THAP12: variants seen among roughly 807,000 people sequenced by gnomAD.
THAP12 encodes the protein THAP domain containing 12.
A neutral mutation model predicts 63.0 loss-of-function variants in THAP12; 20 were observed. That is an observed-to-expected ratio of 0.32 (90% confidence interval 0.22 to 0.46). THAP12 has a LOEUF of 0.46. THAP12 is among the 20% of genes least tolerant of loss of function. The pLI, the probability that THAP12 is intolerant of heterozygous loss-of-function variation, is 1.00. For missense variants in THAP12, 568 were observed against 908.2 expected (o/e 0.63, Z 4.81); for synonymous variants, 264 against 328.4 (o/e 0.80, Z 2.12).
chr11:76,353,037 A>C (rs1041593482), intron 4 of THAP12, among the ~76,000 whole-genome samples: 11 of 152,182 alleles, frequency 7.2e-5, no homozygotes, highest in Admixed American at 1.3e-4. Flanking sequence ...ATGCTGTTAC[A>C]AGATAGGAAT....
In THAP12 at chr11:76,350,704, G is replaced by C. The variant is rs2134495813; in HGVS notation, c.*160C>G. 1 of 568,358 alleles carries C rather than the reference G, an allele frequency of 1.8e-6. No homozygotes were observed. The highest frequency in any genetic ancestry group is 5.0e-4 in the Middle Eastern group (1 of 2,010). 35.2% of individuals were successfully genotyped at this position (568,358 alleles called of 1,614,324 possible). On this transcript the variant is annotated 3_prime_UTR_variant, in exon 5 of 5. Coordinates refer to ENST00000260045, the MANE Select transcript of THAP12 (RefSeq NM_004705.4). The stretch of plus-strand genomic sequence containing the variant: ...GAACAGGTAGGTCTTCAAAGCTTGA[G>C]AGTTCAAACAGGGGCCATTTAAACA...
intron 1 of THAP12, among the ~76,000 whole-genome samples, chr11:76,375,773 A>G (rs1011173611): frequency 1.3e-5 from 2 of 151,044 alleles, no homozygotes; most frequent in African/African-American, 4.9e-5. Flanking sequence ...TAGAACTAAT[A>G]ACCCTAAAAA....
chr11:76,368,795 G>T (rs935538573), intron 1 of THAP12, among the ~76,000 whole-genome samples: 1 of 152,082 alleles, frequency 6.6e-6, no homozygotes, highest in Non-Finnish European at 1.5e-5. Flanking sequence ...AATATGAAAG[G>T]TAAAACAATA....
Position 76,352,124 on chromosome 11 carries a change from A to G in THAP12, c.1026T>C (p.Val342=). Reference sequence around the variant, plus strand: ...ATTTCTCTAAAAGTCTAGAAGCAACAACTTTCATTTTGGAAGAAAATCCAC... The same window carrying G: ...ATTTCTCTAAAAGTCTAGAAGCAACGACTTTCATTTTGGAAGAAAATCCAC... The part of the protein sequence containing the change: ...VSSGFSSKMK[V]VASRLLEKYP... The change falls in exon 5 of 5, where the codon GTT becomes GTC. Residue 342 remains valine (V), a synonymous_variant. Transcript: ENST00000260045. 2.5e-6 allele frequency: 4 copies of G among 1,611,976 alleles called. No homozygotes were observed. The highest frequency in any genetic ancestry group is 3.4e-6 in the Non-Finnish European group (4 of 1,179,812).
At chr11:76,368,909 T>A (rs897633994) in intron 1 of THAP12, among the ~76,000 whole-genome samples, 3 of 152,230 alleles carry the variant, frequency 2.0e-5, no homozygotes, top group Non-Finnish European at 4.4e-5. Context: ...TAAATTAGGC[T>A]ACTTTAAAGT....
At chr11:76,370,079 G>C (rs1168352599) in intron 1 of THAP12, among the ~76,000 whole-genome samples, 1 of 152,194 alleles carries the variant, frequency 6.6e-6, no homozygotes, top group Non-Finnish European at 1.5e-5. Flanking sequence ...GCACAAAAGA[G>C]GCTACTGAGG....
chr11:76,355,378 G>A (rs1280381157), intron 4 of THAP12, among the ~76,000 whole-genome samples: 2 of 152,230 alleles, frequency 1.3e-5, no homozygotes, highest in African/African-American at 2.4e-5. Context: ...TGAGAGAGGA[G>A]GCGTCACCTC....
intron 2 of THAP12, among the ~76,000 whole-genome samples, chr11:76,364,054 G>A (rs1946615869): frequency 6.6e-6 from 1 of 152,150 alleles, no homozygotes; most frequent in African/African-American, 2.4e-5. Context: ...TCTAACTAAA[G>A]AATGTAAGAA....
chr11:76,366,486 C>G lies in THAP12; in HGVS notation c.90-514G>C, dbSNP rs1055228586. 2.6e-5 allele frequency among the ~76,000 whole-genome samples: 4 copies of G among 152,192 alleles called. No individual in the cohort carries two copies. In the East Asian group the frequency reaches 7.7e-4, roughly 29 times the overall value. On this transcript the variant is annotated intron_variant, in intron 1 of 4. Coordinates refer to ENST00000260045, the MANE Select transcript of THAP12 (RefSeq NM_004705.4). ...CAGGAGGTCAGGAGATCGAGACCAT[C>G]CTGGCTAACCCGGTGAAACCCCGTC...
Position 76,370,829 on chromosome 11 carries a change from A to G in THAP12, c.90-4857T>C, listed in dbSNP as rs12225999. Among the ~76,000 whole-genome samples, 7 of 73,898 alleles carry G rather than the reference A, an allele frequency of 9.5e-5. No homozygotes were observed. In the South Asian group the frequency reaches 3.5e-3, roughly 37 times the overall value. 48.5% of individuals were successfully genotyped at this position (73,898 alleles called of 152,430 possible). A position where few individuals can be genotyped will look rare whatever the true frequency, so the allele number is the denominator to read the frequency against. On this transcript the variant is annotated intron_variant, in intron 1 of 4. Coordinates refer to ENST00000260045, the MANE Select transcript of THAP12 (RefSeq NM_004705.4). ...GAGCGAGACTCCGTCTCAAAAAAAA[A>G]GAAAAAAAAAAAAAATATATATATA...
rs1207724338 is a variant in THAP12, at chr11:76,352,323, A to C, written c.827T>G (p.Leu276Arg). ...ATCAACAAACCTCACCAACACAGGTAGGTGCTCTTCCCCTGCTATGTCCAC... is the reference window on the plus strand; with the variant it reads ...ATCAACAAACCTCACCAACACAGGTCGGTGCTCTTCCCCTGCTATGTCCAC... ...DVVDIAGEEH[L>R]PVLVRFVDES... The change falls in exon 5 of 5, where the codon CTA becomes CGA. Residue 276 changes from leucine (L) to arginine (R), a missense_variant. Physicochemically the swap from Leu to Arg is moderately radical, Grantham distance 102. Coordinates refer to ENST00000260045, the MANE Select transcript of THAP12 (RefSeq NM_004705.4). The C allele has an allele frequency of 1.2e-6, 2 of 1,611,828 alleles. No homozygotes were observed. The highest frequency in any genetic ancestry group is 3.3e-5 in the Admixed American group (2 of 59,982).
At position 76,350,315 on chromosome 11, in the gene THAP12, T is replaced by C. The variant is rs1028283295; in HGVS notation, c.*549A>G. The C allele has an allele frequency of 5.3e-5, 8 of 152,356 alleles. No individual in the cohort carries two copies. The highest frequency in any genetic ancestry group is 2.1e-4 in the South Asian group (1 of 4,834). The allele number at this position is 152,356 out of a possible 1,614,324, so 9.4% of individuals were successfully genotyped here. A position where few individuals can be genotyped will look rare whatever the true frequency, so the allele number is the denominator to read the frequency against. ...AACAGCAGGCTTTTCCATTCAAACT[T>C]TGTCATTTGTTTCTTTAAGTTCAAG... On this transcript the variant is annotated 3_prime_UTR_variant, in exon 5 of 5. Transcript: ENST00000260045.
intron 1 of THAP12, among the ~76,000 whole-genome samples, chr11:76,372,588 T>TAA (rs1489524151): frequency 2.1e-5 from 3 of 145,026 alleles, no homozygotes; most frequent in African/African-American, 7.8e-5. Flanking sequence ...ACTGTTACAT[T>TAA]TAAAAAAAAA....
chr11:76,376,482 G>A (rs1946711145), intron 1 of THAP12, among the ~76,000 whole-genome samples: 1 of 152,126 alleles, frequency 6.6e-6, no homozygotes, highest in Non-Finnish European at 1.5e-5. Flanking sequence ...GAATCATCAC[G>A]TGTCTTCTCA....
rs1187703767 is a variant in THAP12, at chr11:76,352,100, T to G, written c.1050A>C (p.Lys350Asn). 3.1e-6 allele frequency: 5 copies of G among 1,611,706 alleles called. No homozygotes were observed. Among genetic ancestry groups the G allele is most frequent in the Admixed American group, 1.7e-5 (1 of 60,002 alleles). Residue 350 changes from lysine (K) to asparagine (N), a missense_variant, in exon 5 of 5, where the codon AAA (lysine) becomes AAC (asparagine). By Grantham distance (94) the Lys-to-Asn change is moderately conservative. Transcript: ENST00000260045. ...MKVVASRLLE[K>N]YPQAIYTLCS... ...AGAGTGTGTAGATAGCTTGGGGATA[T>G]TTCTCTAAAAGTCTAGAAGCAACAA...
chr11:76,370,841 A>ATAT (rs1555025523), intron 1 of THAP12, among the ~76,000 whole-genome samples: 452 of 96,264 alleles, frequency 4.7e-3, no homozygotes, highest in African/African-American at 9.7e-3. Context: ...AAAAAAAAAA[A>ATAT]AAATATATAT....
Position 76,380,762 on chromosome 11 carries a change from C to A in THAP12, c.75G>T (p.Pro25=). The change falls in exon 1 of 5, where the codon CCG becomes CCT. Residue 25 remains proline (P), a synonymous_variant. Transcript: ENST00000260045. ...CCGCCGCTTACCTGGCAGGGTCCCG[C>A]GGGAACCTGAAGAAGGCCAAGTCGG... ...TQSDLAFFRF[P]RDPARCQKWV... is the part of the protein sequence containing the mutation. The A allele has an allele frequency of 2.1e-6, 3 of 1,458,410 alleles. No homozygotes were observed. Among genetic ancestry groups the A allele is most frequent in the Non-Finnish European group, 2.7e-6 (3 of 1,098,744 alleles). 90.3% of individuals were successfully genotyped at this position (1,458,410 alleles called of 1,614,324 possible). A position where few individuals can be genotyped will look rare whatever the true frequency, so the allele number is the denominator to read the frequency against.
intron 4 of THAP12, among the ~76,000 whole-genome samples, chr11:76,354,371 C>T (rs761063676): frequency 1.3e-5 from 2 of 152,206 alleles, no homozygotes; most frequent in African/African-American, 2.4e-5. Flanking sequence ...TTATCCTGGA[C>T]GCCTGCCTGT....
In THAP12 at chr11:76,351,352, T is replaced by C. The variant is rs1946525346; in HGVS notation, c.1798A>G (p.Lys600Glu). 5 of 1,597,608 alleles carry C rather than the reference T, an allele frequency of 3.1e-6. No homozygotes were observed. Among genetic ancestry groups the C allele is most frequent in the Middle Eastern group, 2.3e-4 (1 of 4,382 alleles). ...ACCAGAGATAAGCATTTAAGAGCTT[T>C]GAGGTGCTGTTCTGAGAATATATCT... is the stretch of plus-strand genomic sequence containing the variant. The part of the protein sequence containing the change: ...LKDIFSEQHL[K>E]ALKCLSLVPS... Residue 600 changes from lysine (K) to glutamate (E), a missense_variant, in exon 5 of 5, where the codon AAA becomes GAA. Coordinates refer to ENST00000260045, the MANE Select transcript of THAP12 (RefSeq NM_004705.4).
Sources: gnomAD v4.1 joint callset for allele counts (sites outside exome capture counted in the v4.1 genomes callset) on GRCh38, gnomAD v4.1.1 for gene constraint, MANE v1.5 for transcripts, NCBI Gene and HGNC (gene_info 2026-07-23, HGNC 2026-07-21) for gene names.